Variants in GALK2 observed in about 807,000 individuals in gnomAD.
GALK2 encodes the protein galactokinase 2, also known as N-acetylgalactosamine kinase.
Under a neutral mutation model 52.4 loss-of-function variants are expected in GALK2, and 36 were observed. The observed-to-expected ratio is 0.69, with a 90% confidence interval of 0.53 to 0.91. The LOEUF (loss-of-function observed/expected upper bound fraction) is 0.91, where lower values mean the gene tolerates loss of function less well. Among genes scored for constraint, GALK2 ranks in the 40% least tolerant of loss-of-function variants. The pLI is 0.00. For synonymous variants in GALK2, 176 were observed against 199.1 expected (o/e 0.88, Z 0.98); for missense variants, 579 against 559.1 (o/e 1.04, Z -0.36).
chr15:49,263,703 G>A (rs1192592692), intron 5 of GALK2, among the ~76,000 whole-genome samples: 2 of 129,908 alleles, frequency 1.5e-5, no homozygotes, highest in Non-Finnish European at 3.3e-5. Flanking sequence ...TGCAGCGGCT[G>A]GTACTGGTTG....
At chr15:49,322,287 T>C (rs2036939713) in intron 9 of GALK2, among the ~76,000 whole-genome samples, 1 of 152,240 alleles carries the variant, frequency 6.6e-6, no homozygotes, top group Non-Finnish European at 1.5e-5. Flanking sequence ...CATGATTGTT[T>C]TGTTTGGAAA....
chr15:49,212,351 C>G (rs756058181), intron 2 of GALK2, among the ~76,000 whole-genome samples: 7 of 152,148 alleles, frequency 4.6e-5, no homozygotes, highest in African/African-American at 7.2e-5. Context: ...TTGGCCTCCC[C>G]TCCCAAAGTG....
Position 49,359,431 on chromosome 15 carries a change from C to T in GALK2, c.427-8060C>T, listed in dbSNP as rs1350966283. Among the ~76,000 whole-genome samples the T allele has an allele frequency of 2.5e-5, 3 of 119,244 alleles. 1 individual carries two copies. The highest frequency in any genetic ancestry group is 2.7e-4 in the South Asian group (1 of 3,644). 78.2% of individuals were successfully genotyped at this position (119,244 alleles called of 152,430 possible). A position where few individuals can be genotyped will look rare whatever the true frequency, so the allele number is the denominator to read the frequency against. ...ACCCCATCAAATAGTGGGCGAAGGACATGAACAGACACTTCTCAAAAGAAG... is the reference window on the plus strand; with the variant it reads ...ACCCCATCAAATAGTGGGCGAAGGATATGAACAGACACTTCTCAAAAGAAG... On this transcript the variant is annotated intron_variant, in intron 3 of 3. Coordinates refer to the GALK2 transcript ENST00000558399.
chr15:49,337,620 C>T (rs2039990111), intron 3 of GALK2, among the ~76,000 whole-genome samples: 1 of 146,602 alleles, frequency 6.8e-6, no homozygotes, highest in Non-Finnish European at 1.5e-5. Context: ...TGGTTTGCTG[C>T]ACTCATCAAC....
chr15:49,246,975 G>T (rs1208320755), intron 5 of GALK2, among the ~76,000 whole-genome samples: 2 of 152,168 alleles, frequency 1.3e-5, no homozygotes, highest in Non-Finnish European at 2.9e-5. Context: ...GATGGTATGA[G>T]AAAGATAATG....
At position 49,289,568 on chromosome 15, in the gene GALK2, A is replaced by G. The variant is rs191670724; in HGVS notation, c.757-2759A>G. On this transcript the variant is annotated intron_variant, in intron 7 of 9. Transcript: ENST00000560031. The stretch of plus-strand genomic sequence containing the variant: ...GTTAATATCCTTGAGAGCCACCTCA[A>G]TCAGTGGTAACTGGGAGTTATTGGG... 2.6e-5 allele frequency among the ~76,000 whole-genome samples: 4 copies of G among 152,282 alleles called. No homozygotes were observed. The East Asian group carries it at 5.8e-4, about 22-fold the overall frequency.
chr15:49,234,700 G>A (rs1488357385), intron 3 of GALK2, among the ~76,000 whole-genome samples: 8 of 151,964 alleles, frequency 5.3e-5, no homozygotes, highest in South Asian at 4.1e-4. Flanking sequence ...CTCCCACAAC[G>A]TGTGAGAATT....
chr15:49,276,904 G>GT lies in GALK2; in HGVS notation c.505-5065dup, dbSNP rs34440691. ...AGCTTTTTTCTTAATAGAATCTGAG[G>GT]TTTTTTTTTTTTTTTTTTGGTTTTT... is the stretch of plus-strand genomic sequence containing the variant. On this transcript the variant is annotated intron_variant, in intron 5 of 9. Coordinates refer to ENST00000560031, the MANE Select transcript of GALK2 (RefSeq NM_002044.4). Among the ~76,000 whole-genome samples the GT allele has an allele frequency of 5.1e-3, 394 of 77,808 alleles. 4 individuals carry two copies. Among genetic ancestry groups the GT allele is most frequent in the Middle Eastern group, 9.4e-3 (1 of 106 alleles). 51.0% of individuals were successfully genotyped at this position (77,808 alleles called of 152,430 possible).
chr15:49,237,086 A>G (rs376476902), intron 4 of GALK2, among the ~76,000 whole-genome samples: 5 of 152,212 alleles, frequency 3.3e-5, no homozygotes, highest in Non-Finnish European at 7.3e-5. Context: ...TGCCTGGCAA[A>G]TGCAATTTTA....
intron 2 of GALK2, among the ~76,000 whole-genome samples, chr15:49,206,879 A>G (rs1263109931): frequency 6.6e-6 from 1 of 152,146 alleles, no homozygotes; most frequent in African/African-American, 2.4e-5. Flanking sequence ...ACCATGTTGA[A>G]AAGGAGTGGT....
intron 5 of GALK2, among the ~76,000 whole-genome samples, chr15:49,265,821 A>G (rs1245376970): frequency 6.6e-6 from 1 of 152,238 alleles, no homozygotes; most frequent in East Asian, 1.9e-4. Context: ...AAAATATTCC[A>G]AAAGCGCTTG....
intron 5 of GALK2, among the ~76,000 whole-genome samples, chr15:49,253,168 A>G (rs756934687): frequency 1.4e-5 from 2 of 145,122 alleles, no homozygotes; most frequent in Admixed American, 6.9e-5. Flanking sequence ...CACATATAGC[A>G]TAGGATCATT....
chr15:49,234,626 A>C (rs2090692290), intron 3 of GALK2, among the ~76,000 whole-genome samples: 1 of 152,130 alleles, frequency 6.6e-6, no homozygotes, highest in Non-Finnish European at 1.5e-5. Flanking sequence ...AGACTTATTC[A>C]CTATCATGAC....
At chr15:49,170,066 C>T (rs571425168), upstream of GALK2, 48 of 672,876 alleles carry the variant, frequency 7.1e-5, no homozygotes, top group Non-Finnish European at 1.0e-4. Flanking sequence ...GGCCCTAGTC[C>T]CTCCCTGGGA....
chr15:49,328,122 A>T lies in GALK2; in HGVS notation c.1340A>T (p.Lys447Ile). ...GAGAAGCAAAGTTTGTTTGCTACCA[A>T]ACCTGGAGGTGGGGCTTTGGTTTTG... is the stretch of plus-strand genomic sequence containing the variant. ...APEKQSLFAT[K>I]PGGGALVLLE... Residue 447 changes from lysine to isoleucine, a missense_variant, in exon 10 of 10, where the codon AAA becomes ATA. Transcript: ENST00000560031. The T allele has an allele frequency of 1.9e-6, 3 of 1,614,138 alleles. No individual in the cohort carries two copies. Among genetic ancestry groups the T allele is most frequent in the South Asian group, 2.2e-5 (2 of 91,082 alleles).
intron 7 of GALK2, 46 bp downstream of exon 7, chr15:49,283,764 G>A (rs370585649): frequency 2.3e-5 from 37 of 1,595,332 alleles, no homozygotes; most frequent in Non-Finnish European, 3.2e-5. Flanking sequence ...GGTTTTTCTT[G>A]TCTTTATTTT....
chr15:49,280,607 G>C (rs1383131876), intron 5 of GALK2, among the ~76,000 whole-genome samples: 1 of 152,114 alleles, frequency 6.6e-6, no homozygotes, highest in African/African-American at 2.4e-5. Context: ...AAGCAGGCAA[G>C]AGATGATTAT....
In GALK2 at chr15:49,198,141, T is replaced by G. The variant is rs142319950; in HGVS notation, c.54-3021T>G. ...TCCTGACACAAGCTAAACACTTAAT[T>G]ACCTACCATCTCTCATTGCTTGTGA... On this transcript the variant is annotated intron_variant, in intron 1 of 9. Coordinates refer to ENST00000560031, the MANE Select transcript of GALK2 (RefSeq NM_002044.4). 2.2e-4 allele frequency among the ~76,000 whole-genome samples: 33 copies of G among 152,308 alleles called. 2 individuals carry two copies. The East Asian group carries it at 6.2e-3, about 29-fold the overall frequency.
At chr15:49,306,117 A>G (rs548393000) in intron 8 of GALK2, among the ~76,000 whole-genome samples, 1 of 152,130 alleles carries the variant, frequency 6.6e-6, no homozygotes, top group African/African-American at 2.4e-5. Context: ...TTGGCACATG[A>G]TTCAGAGCTC....
Sources: gnomAD v4.1 joint callset for allele counts (sites outside exome capture counted in the v4.1 genomes callset) on GRCh38, gnomAD v4.1.1 for gene constraint, MANE v1.5 for transcripts, NCBI Gene and HGNC (gene_info 2026-07-23, HGNC 2026-07-21) for gene names.